Variants in PDE4DIP observed in about 807,000 individuals in gnomAD.
PDE4DIP encodes the protein myomegalin.
PDE4DIP carries 59 observed loss-of-function variants against 221.4 expected under a neutral mutation model. The ratio of observed to expected loss-of-function variants is 0.27; its 90% CI spans 0.22 to 0.33. The LOEUF (loss-of-function observed/expected upper bound fraction) is 0.33. PDE4DIP is among the 10% of genes least tolerant of loss of function. The pLI, the probability that PDE4DIP is intolerant of heterozygous loss-of-function variation, is 1.00. For missense variants in PDE4DIP, 1,036 were observed against 2,154.2 expected (o/e 0.48, Z 10.28); for synonymous variants, 404 against 815.9 (o/e 0.50, Z 8.60).
At position 148,996,590 on chromosome 1, in the gene PDE4DIP, G is replaced by A. The variant is rs201231737; in HGVS notation, c.2905-1553G>A. ...GATCTTTCTTCTTTGACCTGGGTGCGCATGTCTTCACAACCTCAACTGCTA... is the reference window on the plus strand; with the variant it reads ...GATCTTTCTTCTTTGACCTGGGTGCACATGTCTTCACAACCTCAACTGCTA... On this transcript the variant is annotated intron_variant, in intron 22 of 43. Coordinates refer to ENST00000369354, the Ensembl canonical transcript of PDE4DIP. Among the ~76,000 whole-genome samples the A allele has an allele frequency of 6.6e-5, 10 of 152,140 alleles. No individual in the cohort carries two copies. In the South Asian group the frequency reaches 1.9e-3, roughly 28 times the overall value.
At chr1:149,010,029 G>A (rs2068124503) in intron 30 of PDE4DIP, among the ~76,000 whole-genome samples, 6 of 152,192 alleles carry the variant, frequency 3.9e-5, no homozygotes, top group Admixed American at 3.9e-4. Flanking sequence ...GAGCCACTGT[G>A]GGGAGAGTGA....
At chr1:149,030,445 G>GT (rs1174719416) in intron 43 of PDE4DIP, 167 bp downstream of exon 46, 2 of 985,062 alleles carry the variant, frequency 2.0e-6, no homozygotes, top group East Asian at 2.3e-4. Flanking sequence ...GCTAGTTTCT[G>GT]TCCCCATCAC....
At chr1:148,949,476 A>G (rs1334271067) in intron 5 of PDE4DIP, among the ~76,000 whole-genome samples, 2 of 151,246 alleles carry the variant, frequency 1.3e-5, no homozygotes, top group African/African-American at 4.9e-5. Context: ...TGTTTTCTAA[A>G]TTAAATAAAA....
intron 3 of PDE4DIP, among the ~76,000 whole-genome samples, chr1:148,875,528 TA>T (rs1202492895): frequency 2.1e-5 from 1 of 47,008 alleles, no homozygotes; most frequent in African/African-American, 8.0e-5. Flanking sequence ...GATTGGGGCA[TA>T]AAAAAATTTA....
intron 4 of PDE4DIP, among the ~76,000 whole-genome samples, chr1:148,935,298 TACAA>T (rs2048993989): frequency 6.7e-6 from 1 of 149,126 alleles, no homozygotes; most frequent in African/African-American, 2.5e-5. Context: ...TTCCAATATA[TACAA>T]ACAGAGAATA....
intron 19 of PDE4DIP, among the ~76,000 whole-genome samples, chr1:148,979,451 C>T (rs587685595): frequency 6.6e-6 from 1 of 152,094 alleles, no homozygotes; most frequent in Non-Finnish European, 1.5e-5. Flanking sequence ...CCCTCTTGTC[C>T]ATCCTGTTTC....
chr1:148,979,828 A>C lies in PDE4DIP; in HGVS notation c.2666A>C (p.Lys889Thr), dbSNP rs782247719. 3.7e-6 allele frequency: 6 copies of C among 1,613,204 alleles called. No homozygotes were observed. The African/African-American group carries it at 8.0e-5, about 22-fold the overall frequency. The change falls in exon 20 of 44, where the codon AAG becomes ACG. Residue 889 changes from lysine to threonine, a missense_variant. Physicochemically the swap from Lys to Thr is moderately conservative, Grantham distance 78. Coordinates refer to ENST00000369354, the Ensembl canonical transcript of PDE4DIP. ...AGACAGCTCTATAGCAGTCTGGTGA[A>C]GTTCCATGCCCATCCAGAGAGGTAA...
chr1:148,970,337 G>T (rs2058973582), intron 14 of PDE4DIP, among the ~76,000 whole-genome samples: 1 of 150,270 alleles, frequency 6.7e-6, no homozygotes, highest in Admixed American at 6.6e-5. Context: ...TAAATCTTTG[G>T]CAAGAGGCTA....
intron 21 of PDE4DIP, chr1:148,985,384 A>T (rs1344958833): frequency 6.6e-6 from 1 of 152,084 alleles, no homozygotes; most frequent in African/African-American, 2.4e-5. Context: ...TTCAGTTATA[A>T]TGTGTTTTAG....
chr1:148,964,111 C>CCT (rs2057664910), intron 9 of PDE4DIP, among the ~76,000 whole-genome samples: 9 of 117,314 alleles, frequency 7.7e-5, no homozygotes, highest in East Asian at 3.0e-4. Flanking sequence ...TTCTTTCTTT[C>CCT]ATTTTTTTTT....
intron 9 of PDE4DIP, among the ~76,000 whole-genome samples, chr1:148,964,649 C>A (rs771666881): frequency 6.8e-6 from 1 of 146,046 alleles, no homozygotes; most frequent in Non-Finnish European, 1.5e-5. Context: ...GTAATCCCAG[C>A]ACTTTGGGAG....
chr1:148,975,847 A>T (rs1321877321), intron 17 of PDE4DIP, among the ~76,000 whole-genome samples: 1 of 152,046 alleles, frequency 6.6e-6, no homozygotes, highest in East Asian at 1.9e-4. Context: ...GTTTTTTTCT[A>T]CCTTTTGCCA....
chr1:148,965,354 A>G (rs1320908512), intron 9 of PDE4DIP, 130 bp from the exon 13 acceptor site: 20 of 641,244 alleles, frequency 3.1e-5, no homozygotes, highest in Non-Finnish European at 5.0e-5. Context: ...TAATACTTCT[A>G]TAGCAATTTT....
chr1:148,954,180 C>CT (rs1245028200), intron 5 of PDE4DIP, among the ~76,000 whole-genome samples: 6 of 152,036 alleles, frequency 3.9e-5, no homozygotes, highest in Admixed American at 3.3e-4. Context: ...TCCTACTTCA[C>CT]TTTTTTCCTA....
chr1:149,020,726 A>G (rs797023471), intron 36 of PDE4DIP: 6,933 of 398,692 alleles, frequency 0.017, 98 homozygotes, highest in South Asian at 0.042. Context: ...TGCTTGTCAG[A>G]ATGCAAAGAG....
Position 148,963,850 on chromosome 1 carries a change from T to C in PDE4DIP, c.1194+1210T>C, listed in dbSNP as rs1209851069. 2.2e-5 allele frequency among the ~76,000 whole-genome samples: 3 copies of C among 139,230 alleles called. No individual in the cohort carries two copies. The Admixed American group carries it at 2.2e-4, about 10-fold the overall frequency. The allele number at this position is 139,230 out of a possible 152,430, so 91.3% of individuals were successfully genotyped here. On this transcript the variant is annotated intron_variant, in intron 9 of 43. Transcript: ENST00000369354. ...CTCGCTGCAAGCTCCGCCTCTCGGG[T>C]TCACGCCATTCTCCTGCCTCAGCCT...
chr1:149,024,501 G>T, exon 38 of PDE4DIP: 1 of 1,067,456 alleles, frequency 9.4e-7, no homozygotes. Context: ...GAGCCACCTG[G>T]TGGCAGAGGT....
Position 149,021,226 on chromosome 1 carries a change from G to A in PDE4DIP, c.6085+73G>A, listed in dbSNP as rs2072750346. 5.7e-6 allele frequency: 4 copies of A among 703,686 alleles called. No individual in the cohort carries two copies. In the South Asian group the frequency reaches 8.4e-5, roughly 15 times the overall value. The allele number at this position is 703,686 out of a possible 1,614,324, so 43.6% of individuals were successfully genotyped here. A position where few individuals can be genotyped will look rare whatever the true frequency, so the allele number is the denominator to read the frequency against. On this transcript the variant is annotated intron_variant, in intron 37 of 43. Coordinates refer to ENST00000369354, the Ensembl canonical transcript of PDE4DIP. ...GGATGCTAGTGAGGTCTTTCCTTTG[G>A]GAGTTGTGGAGATCATGGGAAGCTA... is the stretch of plus-strand genomic sequence containing the variant.
At chr1:148,936,672 C>G (rs587748641) in intron 4 of PDE4DIP, among the ~76,000 whole-genome samples, 3 of 149,922 alleles carry the variant, frequency 2.0e-5, no homozygotes, top group Non-Finnish European at 4.4e-5. Context: ...TTCCTTATAT[C>G]CTTATTCTAG....
Sources: gnomAD v4.1 joint callset for allele counts (sites outside exome capture counted in the v4.1 genomes callset) on GRCh38, gnomAD v4.1.1 for gene constraint, MANE v1.5 for transcripts, NCBI Gene and HGNC (gene_info 2026-07-23, HGNC 2026-07-21) for gene names.